The following RHOT1 variants were observed in gnomAD, a reference collection of about 807,000 sequenced individuals.
RHOT1 encodes the protein ras homolog family member T1, also known as mitochondrial Rho GTPase 1.
RHOT1 carries 27 observed loss-of-function variants against 95.3 expected under a neutral mutation model. The ratio of observed to expected loss-of-function variants is 0.28; its 90% CI spans 0.21 to 0.39. RHOT1 has a LOEUF of 0.39. Among genes scored for constraint, RHOT1 ranks in the 10% least tolerant of loss-of-function variants. RHOT1 has a pLI of 1.00. For synonymous variants in RHOT1, 227 were observed against 263.5 expected (o/e 0.86, Z 1.34); for missense variants, 578 against 786.7 (o/e 0.73, Z 3.17).
At chr17:32,148,272 C>G (rs763617502) in intron 1 of RHOT1, among the ~76,000 whole-genome samples, 7 of 151,560 alleles carry the variant, frequency 4.6e-5, no homozygotes, top group Non-Finnish European at 8.8e-5. Flanking sequence ...TCTCAAAAAA[C>G]AAAAAAGAAA....
intron 9 of RHOT1, among the ~76,000 whole-genome samples, chr17:32,192,566 T>C (rs572722920): frequency 6.6e-6 from 1 of 152,224 alleles, no homozygotes; most frequent in East Asian, 1.9e-4. Flanking sequence ...CATTTTGCTT[T>C]CTTGGTTTTG....
At chr17:32,150,389 G>C in intron 1 of RHOT1, 2 of 429,752 alleles carry the variant, frequency 4.7e-6, no homozygotes, top group South Asian at 1.7e-4. Flanking sequence ...GATGCAAGAA[G>C]ACCTCTTTTC....
In RHOT1 at chr17:32,199,424, C is replaced by T; in HGVS notation, c.974C>T (p.Ser325Leu). ...KHDLDRDCAL[S>L]PDELKDLFKV... Reference sequence around the variant, plus strand: ...CTTCAGGATAGAGACTGTGCTTTGTCACCTGATGAGCTTAAAGATTTATTT... The same window carrying T: ...CTTCAGGATAGAGACTGTGCTTTGTTACCTGATGAGCTTAAAGATTTATTT... Residue 325 changes from serine (S) to leucine (L), a missense_variant, in exon 13 of 20, where the codon TCA (serine) becomes TTA (leucine). By Grantham distance (145) the Ser-to-Leu change is moderately radical. Around this residue, in one of 4 missense-constraint regions of RHOT1, gnomAD observed 227 missense variants for 316.0 expected, o/e 0.72. Coordinates refer to ENST00000545287, the MANE Select transcript of RHOT1 (RefSeq NM_001033566.3). 6.8e-6 allele frequency: 11 copies of T among 1,612,732 alleles called. No individual in the cohort carries two copies. Among genetic ancestry groups the T allele is most frequent in the Non-Finnish European group, 9.3e-6 (11 of 1,179,476 alleles).
In RHOT1 at chr17:32,143,176, C is replaced by T. The variant is rs2030685252; in HGVS notation, c.37+447C>T. On this transcript the variant is annotated intron_variant, in intron 1 of 19. Coordinates refer to ENST00000545287, the MANE Select transcript of RHOT1 (RefSeq NM_001033566.3). Reference sequence around the variant, plus strand: ...CAGGTGCTGGAATAAGCAGACTGACCAATAGGGATTGCGTGAACCGGCTCC... The same window carrying T: ...CAGGTGCTGGAATAAGCAGACTGACTAATAGGGATTGCGTGAACCGGCTCC... The T allele has an allele frequency of 6.2e-6, 3 of 485,054 alleles. No individual in the cohort carries two copies. The East Asian group carries it at 1.9e-4, about 30-fold the overall frequency. The allele number at this position is 485,054 out of a possible 1,614,324, so 30.0% of individuals were successfully genotyped here. A position where few individuals can be genotyped will look rare whatever the true frequency, so the allele number is the denominator to read the frequency against.
rs772757357 is a variant in RHOT1, at chr17:32,193,188, A to G, written c.692A>G (p.Asn231Ser). ...CCTCAAGCTCTGGAGGATGTCAAGA[A>G]TGTAGTCAGAAAACATATAAGTGAT... is the stretch of plus-strand genomic sequence containing the variant. ...LAPQALEDVK[N>S]VVRKHISDGV... Residue 231 changes from asparagine to serine, a missense_variant, in exon 10 of 20, where the codon AAT (asparagine) becomes AGT (serine). Coordinates refer to ENST00000545287, the MANE Select transcript of RHOT1 (RefSeq NM_001033566.3). 5.0e-6 allele frequency: 8 copies of G among 1,613,746 alleles called. No homozygotes were observed. In the African/African-American group the frequency reaches 5.3e-5, roughly 11 times the overall value.
intron 1 of RHOT1, among the ~76,000 whole-genome samples, chr17:32,149,635 A>ATGTG (rs1300585666): frequency 0.014 from 825 of 58,838 alleles, 19 homozygotes; most frequent in Middle Eastern, 0.045. Flanking sequence ...ATATATATAT[A>ATGTG]TGTGTGTGTG....
chr17:32,167,366 G>T (rs1038795198), intron 1 of RHOT1, among the ~76,000 whole-genome samples: 1 of 148,922 alleles, frequency 6.7e-6, no homozygotes, highest in Non-Finnish European at 1.5e-5. Context: ...TCGCTCTGTC[G>T]CCCAGGCTAG....
At chr17:32,194,170 C>A in intron 11 of RHOT1, 63 bp downstream of exon 11, 1 of 1,542,052 alleles carries the variant, frequency 6.5e-7, no homozygotes, top group Non-Finnish European at 8.9e-7. Context: ...CAGGATCTCA[C>A]TATGTTTCCC....
At chr17:32,221,093 C>T (rs920922621) in intron 19 of RHOT1, 3 of 976,722 alleles carry the variant, frequency 3.1e-6, no homozygotes, top group East Asian at 2.3e-4. Flanking sequence ...AGCGGCCAGG[C>T]GTGGTGGCTC....
intron 1 of RHOT1, among the ~76,000 whole-genome samples, chr17:32,160,934 G>T (rs897761047): frequency 6.6e-6 from 1 of 152,174 alleles, no homozygotes; most frequent in Admixed American, 6.5e-5. Context: ...GGCACCACTG[G>T]CCACAGAAGT....
At chr17:32,198,310 A>G (rs2037055299) in intron 11 of RHOT1, among the ~76,000 whole-genome samples, 1 of 152,242 alleles carries the variant, frequency 6.6e-6, no homozygotes, top group South Asian at 2.1e-4. Context: ...ATTGGAATTA[A>G]TATGAAGCTC....
chr17:32,142,793 GC>G, intron 1 of RHOT1, 64 bp downstream of exon 1: 2 of 1,321,726 alleles, frequency 1.5e-6, no homozygotes. Context: ...AGCCCCTGTC[GC>G]CCCTGTCGCC....
At chr17:32,182,600 G>A (rs929714517) in intron 6 of RHOT1, among the ~76,000 whole-genome samples, 157 bp from the exon 7 acceptor site, 1 of 152,194 alleles carries the variant, frequency 6.6e-6, no homozygotes, top group East Asian at 1.9e-4. Flanking sequence ...GAGTAAATAC[G>A]TGCTATCTAG....
intron 1 of RHOT1, among the ~76,000 whole-genome samples, chr17:32,163,500 A>G (rs1470933052): frequency 2.6e-5 from 4 of 152,168 alleles, no homozygotes; most frequent in Admixed American, 2.0e-4. Context: ...TGGGAGGCCA[A>G]GGTGGGCAGA....
chr17:32,151,277 C>T (rs1362411823), intron 1 of RHOT1: 3 of 675,958 alleles, frequency 4.4e-6, no homozygotes, highest in African/African-American at 1.8e-5. Flanking sequence ...TTGATGCCTT[C>T]TCCATATTGC....
intron 11 of RHOT1, among the ~76,000 whole-genome samples, chr17:32,196,608 T>G (rs2036910332): frequency 6.6e-6 from 1 of 152,168 alleles, no homozygotes. Flanking sequence ...CCACCAAGCA[T>G]ATGTTCTTTT....
chr17:32,209,394 C>T, intron 18 of RHOT1: 1 of 1,611,752 alleles, frequency 6.2e-7, no homozygotes, highest in Non-Finnish European at 8.5e-7. Context: ...ATGGGCCACA[C>T]TGATAGAATA....
intron 1 of RHOT1, among the ~76,000 whole-genome samples, chr17:32,146,117 C>A (rs917977700): frequency 2.0e-5 from 3 of 152,236 alleles, no homozygotes; most frequent in African/African-American, 7.2e-5. Flanking sequence ...CTAGCCCTTA[C>A]TTCCCTTTTA....
chr17:32,193,928 T>C, intron 10 of RHOT1, 59 bp from the exon 11 acceptor site: 1 of 1,582,458 alleles, frequency 6.3e-7, no homozygotes, highest in Non-Finnish European at 8.6e-7. Context: ...GCCATTATGT[T>C]ACATGCTTTT....
Sources: allele counts gnomAD v4.1 joint callset (sites outside exome capture counted in the v4.1 genomes callset), GRCh38; gene constraint gnomAD v4.1.1; regional missense constraint gnomAD v4.1.1; transcripts MANE v1.5; gene names NCBI Gene and HGNC (gene_info 2026-07-23, HGNC 2026-07-21).